PLGRKT: variants seen among roughly 807,000 people sequenced by gnomAD.
PLGRKT encodes the protein plasminogen receptor with a C-terminal lysine, also known as plasminogen receptor (KT).
A neutral mutation model predicts 18.5 loss-of-function variants in PLGRKT; 22 were observed. That is an observed-to-expected ratio of 1.19 (90% confidence interval 0.85 to 1.70). The LOEUF (loss-of-function observed/expected upper bound fraction) is 1.70. Ranked by LOEUF, PLGRKT falls within the 40% of genes most tolerant of loss-of-function variation. PLGRKT has a pLI of 0.00. For missense variants in PLGRKT, 235 were observed against 174.4 expected, an observed-to-expected ratio of 1.35 and a Z score of -1.96; for synonymous variants, 72 against 52.8, an observed-to-expected ratio of 1.36 and a Z score of -1.58.
chr9:5,374,124 G>C lies in PLGRKT; in HGVS notation c.82-12236C>G, dbSNP rs75871855. 1.5e-3 allele frequency among the ~76,000 whole-genome samples: 230 copies of C among 152,252 alleles called. 1 individual carries two copies. Among genetic ancestry groups the C allele is most frequent in the African/African-American group, 5.0e-3 (209 of 41,528 alleles). ...TACCTTAGAACTGTTCTTGGCTGTA[G>C]GCTTATATTTCTAACTGTCCTTTGG... is the stretch of plus-strand genomic sequence containing the variant. On this transcript the variant is annotated intron_variant, in intron 3 of 5. Coordinates refer to ENST00000223864, the MANE Select transcript of PLGRKT (RefSeq NM_018465.4).
intron 3 of PLGRKT, among the ~76,000 whole-genome samples, chr9:5,429,123 T>C (rs1247878440): frequency 6.6e-6 from 1 of 152,210 alleles, no homozygotes; most frequent in Non-Finnish European, 1.5e-5. Flanking sequence ...GATACTGTGA[T>C]GTGTGTCAAC....
At chr9:5,372,897 G>A (rs1010894775) in intron 3 of PLGRKT, among the ~76,000 whole-genome samples, 3 of 152,144 alleles carry the variant, frequency 2.0e-5, no homozygotes, top group Admixed American at 2.0e-4. Flanking sequence ...TTACAGCTGA[G>A]GAAACTAGGG....
intron 3 of PLGRKT, among the ~76,000 whole-genome samples, chr9:5,424,525 A>AT (rs1390552270): frequency 2.4e-5 from 3 of 123,804 alleles, no homozygotes; most frequent in African/African-American, 3.4e-5. Flanking sequence ...ATATAAATAT[A>AT]TATTATTAAC....
chr9:5,418,731 G>C lies in PLGRKT; in HGVS notation c.81+13166C>G. The C allele has an allele frequency of 1.5e-6, 1 of 672,316 alleles. No individual in the cohort carries two copies. The highest frequency in any genetic ancestry group is 1.7e-5 in the South Asian group (1 of 60,232). The allele number at this position is 672,316 out of a possible 1,614,324, so 41.6% of individuals were successfully genotyped here. On this transcript the variant is annotated intron_variant, in intron 3 of 5. Transcript: ENST00000223864. The surrounding 1 kb of genome is among the most constrained non-coding windows in gnomAD (Gnocchi z 4.2). ...TGAAGACCGGCATGTGCTCCGAAGC[G>C]TGTGGAATGGTGATGACAGCCAGGA...
At chr9:5,433,554 G>C (rs1479735073) in intron 2 of PLGRKT, among the ~76,000 whole-genome samples, 131 of 140,050 alleles carry the variant, frequency 9.4e-4, no homozygotes, top group East Asian at 3.2e-3. Flanking sequence ...GGGATGTGAG[G>C]AGTGCCTCTG....
chr9:5,415,301 T>A (rs1369553210), intron 3 of PLGRKT, among the ~76,000 whole-genome samples: 1 of 152,100 alleles, frequency 6.6e-6, no homozygotes, highest in Non-Finnish European at 1.5e-5. Context: ...GAGTAAAATG[T>A]CCACGAAAAC....
chr9:5,376,175 G>A, intron 3 of PLGRKT, among the ~76,000 whole-genome samples: 1 of 152,342 alleles, frequency 6.6e-6, no homozygotes, highest in African/African-American at 2.4e-5. Flanking sequence ...GAGAATGGTG[G>A]TTGCCAGGGA....
At chr9:5,386,132 A>C (rs927576509) in intron 3 of PLGRKT, among the ~76,000 whole-genome samples, 2 of 151,886 alleles carry the variant, frequency 1.3e-5, no homozygotes, top group African/African-American at 4.9e-5. Flanking sequence ...GTCAGTAAGA[A>C]GTCCTTTTTC....
Position 5,418,593 on chromosome 9 carries a change from G to A in PLGRKT, c.81+13304C>T, listed in dbSNP as rs997487403. On this transcript the variant is annotated intron_variant, in intron 3 of 5. Transcript: ENST00000223864. This position sits in a 1 kb window ranked among gnomAD's most constrained non-coding sequence, Gnocchi z 4.2. The stretch of plus-strand genomic sequence containing the variant: ...CAGCAGGGATGGTCACCACAGTGAC[G>A]GACTTCTGCCGGTTCCTGGGCAGCA... The A allele has an allele frequency of 2.7e-5, 20 of 749,052 alleles. No individual in the cohort carries two copies. The highest frequency in any genetic ancestry group is 1.1e-4 in the Admixed American group (6 of 55,566). The allele number at this position is 749,052 out of a possible 1,614,324, so 46.4% of individuals were successfully genotyped here.
chr9:5,375,270 T>A (rs1026856727), intron 3 of PLGRKT, among the ~76,000 whole-genome samples: 2 of 152,142 alleles, frequency 1.3e-5, no homozygotes, highest in African/African-American at 4.8e-5. Flanking sequence ...CGAGCTAAGA[T>A]ATGAAGTGTT....
In PLGRKT at chr9:5,361,787, A is replaced by T; in HGVS notation, c.183T>A (p.Phe61Leu). ...REFLKYFGTFFGLAAISLTAG... is the reference protein window; with the variant it reads ...REFLKYFGTFLGLAAISLTAG... ...CTGTTAAAGAGATGGCTGCAAGGCC[A>T]AAAAAAGTTCCAAAATATTTGAGGA... Residue 61 changes from phenylalanine (F) to leucine (L), a missense_variant, in exon 4 of 6, where the codon TTT becomes TTA. Coordinates refer to ENST00000223864, the MANE Select transcript of PLGRKT (RefSeq NM_018465.4). 2.5e-6 allele frequency: 4 copies of T among 1,609,614 alleles called. No individual in the cohort carries two copies. Among genetic ancestry groups the T allele is most frequent in the Non-Finnish European group, 3.4e-6 (4 of 1,177,482 alleles).
At chr9:5,375,300 T>C (rs1395109701) in intron 3 of PLGRKT, among the ~76,000 whole-genome samples, 2 of 152,112 alleles carry the variant, frequency 1.3e-5, no homozygotes, top group Non-Finnish European at 2.9e-5. Context: ...AGTGGTTCAT[T>C]ATGGGCCCCA....
intron 3 of PLGRKT, among the ~76,000 whole-genome samples, chr9:5,385,212 A>C (rs1350971197): frequency 6.6e-6 from 1 of 152,214 alleles, no homozygotes; most frequent in Non-Finnish European, 1.5e-5. Context: ...TAAATCCATC[A>C]GTATTAAAAC....
rs753541183 is a variant in PLGRKT, at chr9:5,419,037, G to A, written c.81+12860C>T. 106 of 438,712 alleles carry A rather than the reference G, an allele frequency of 2.4e-4. 1 individual carries two copies. Among genetic ancestry groups the A allele is most frequent in the Non-Finnish European group, 4.0e-4 (93 of 231,908 alleles). 27.2% of individuals were successfully genotyped at this position (438,712 alleles called of 1,614,324 possible). ...AAGGGGAGGGAGCTGGTCTTCAGAG[G>A]CCGCCGCTCTGCGTCTTTCCAGTGC... On this transcript the variant is annotated intron_variant, in intron 3 of 5. Coordinates refer to ENST00000223864, the MANE Select transcript of PLGRKT (RefSeq NM_018465.4).
intron 3 of PLGRKT, among the ~76,000 whole-genome samples, chr9:5,402,309 C>G (rs1818169830): frequency 6.6e-6 from 1 of 151,768 alleles, no homozygotes; most frequent in African/African-American, 2.4e-5. Flanking sequence ...AAGGTAACCT[C>G]AAGGGATGAA....
rs1466645518 is a variant in PLGRKT, at chr9:5,411,807, G to A, written c.81+20090C>T. Among the ~76,000 whole-genome samples, 4 of 151,966 alleles carry A rather than the reference G, an allele frequency of 2.6e-5. No homozygotes were observed. The East Asian group carries it at 7.7e-4, about 29-fold the overall frequency. ...GCCTACAGTTTATTTATAAGCTTCTGGAAGACATTAAAATAGACTTAAACA... is the reference window on the plus strand; with the variant it reads ...GCCTACAGTTTATTTATAAGCTTCTAGAAGACATTAAAATAGACTTAAACA... On this transcript the variant is annotated intron_variant, in intron 3 of 5. Transcript: ENST00000223864.
chr9:5,383,044 T>C (rs757543103), intron 3 of PLGRKT, among the ~76,000 whole-genome samples: 9 of 152,206 alleles, frequency 5.9e-5, no homozygotes, highest in Admixed American at 1.3e-4. Context: ...GAGATCACTT[T>C]AGATCACCCA....
intron 3 of PLGRKT, among the ~76,000 whole-genome samples, chr9:5,375,374 T>G (rs1817608250): frequency 6.6e-6 from 1 of 152,176 alleles, no homozygotes; most frequent in South Asian, 2.1e-4. Context: ...GGAAAATGCA[T>G]GAGCTTCCAG....
rs141471135 is a variant in PLGRKT at position 5,401,562 on chromosome 9, C to T, written c.81+30335G>A. ...TAAGCTTCACAGATGAACAGGAAGA[C>T]TTTGTGTCAAAAAAAACATTTTTTA... On this transcript the variant is annotated intron_variant, in intron 3 of 5. Transcript: ENST00000223864. 6.4e-3 allele frequency among the ~76,000 whole-genome samples: 972 copies of T among 151,904 alleles called. 31 individuals carry two copies. Among genetic ancestry groups the T allele is most frequent in the African/African-American group, 0.022 (923 of 41,266 alleles).
Sources: allele counts gnomAD v4.1 joint callset (sites outside exome capture counted in the v4.1 genomes callset), GRCh38; gene constraint gnomAD v4.1.1; non-coding constraint Gnocchi (gnomAD v3.1); transcripts MANE v1.5; gene names NCBI Gene and HGNC (gene_info 2026-07-23, HGNC 2026-07-21).